MAPK12: variants seen among roughly 807,000 people sequenced by gnomAD.
MAPK12 encodes the protein mitogen-activated protein kinase 12.
MAPK12 carries 49 observed loss-of-function variants against 49.1 expected under a neutral mutation model. That is an observed-to-expected ratio of 1.00 (90% CI 0.79 to 1.27). The LOEUF (loss-of-function observed/expected upper bound fraction) is 1.27, where lower values mean the gene tolerates loss of function less well. MAPK12 is among the 50% of genes most tolerant of loss of function. The pLI, the probability that MAPK12 is intolerant of heterozygous loss-of-function variation, is 0.00. For synonymous variants in MAPK12, 251 were observed against 209.7 expected (o/e 1.20, Z -1.70); for missense variants, 554 against 502.4 (o/e 1.10, Z -0.98).
chr22:50,253,502 G>GAGGC, intron 11 of MAPK12, 22 bp from the exon 12 acceptor site: 1 of 171,682 alleles, frequency 5.8e-6, no homozygotes. Flanking sequence ...GGGGGGGCGG[G>GAGGC]CACAACAGAG....
chr22:50,257,235 C>T (rs1479026709), intron 3 of MAPK12, 42 bp from the exon 4 acceptor site: 1 of 1,527,422 alleles, frequency 6.5e-7, no homozygotes, highest in South Asian at 1.1e-5. Flanking sequence ...CAGAGCCAGC[C>T]TCTGCATCCC....
chr22:50,256,726 G>A (rs1463669422), intron 5 of MAPK12, 80 bp from the exon 6 acceptor site: 1 of 1,540,634 alleles, frequency 6.5e-7, no homozygotes, highest in Non-Finnish European at 8.8e-7. Context: ...GGCACCTAAA[G>A]ATGGGGCCAC....
intron 3 of MAPK12, 70 bp from the exon 4 acceptor site, chr22:50,257,263 G>A (rs748974586): frequency 1.6e-4 from 209 of 1,295,488 alleles, no homozygotes; most frequent in Non-Finnish European, 2.2e-4. Flanking sequence ...CACCCAGCAG[G>A]CCCAGGCTCA....
chr22:50,254,271 A>T (rs2065126066), intron 11 of MAPK12: 1 of 152,176 alleles, frequency 6.6e-6, no homozygotes, highest in East Asian at 1.9e-4. Context: ...TGGAGTCTGG[A>T]CTGCTTAGCG....
At chr22:50,257,744 G>A in intron 3 of MAPK12, 2 of 656,250 alleles carry the variant, frequency 3.0e-6, no homozygotes, top group Admixed American at 2.4e-5. Flanking sequence ...AGTCAGGCGG[G>A]AGGCGCCTGC....
At chr22:50,259,571 G>A (rs115160725) in intron 2 of MAPK12, among the ~76,000 whole-genome samples, 9 of 152,164 alleles carry the variant, frequency 5.9e-5, no homozygotes, top group South Asian at 4.1e-4. Context: ...CCAGCACAGC[G>A]GGGCGGTGGC....
chr22:50,256,924 C>A lies in MAPK12; in HGVS notation c.456+11G>T. 1 of 1,605,432 alleles carries A rather than the reference C, an allele frequency of 6.2e-7. No individual in the cohort carries two copies. Among genetic ancestry groups the A allele is most frequent in the Non-Finnish European group, 8.5e-7 (1 of 1,177,776 alleles). On this transcript the variant is annotated intron_variant, in intron 5 of 11. Coordinates refer to ENST00000215659, the MANE Select transcript of MAPK12 (RefSeq NM_002969.6). ...GGAGGGCTGATGAGCGGCTTCTCCA[C>A]CGGGACTCACTCTGTGGATGATGCC...
rs2065154203 is a variant in MAPK12, at chr22:50,256,713, G to A, written c.457-67C>T. 15 of 1,552,702 alleles carry A rather than the reference G, an allele frequency of 9.7e-6. No individual in the cohort carries two copies. The South Asian group carries it at 1.2e-4, about 13-fold the overall frequency. Reference sequence around the variant, plus strand: ...AAGCATGGGCACAGCCAAGAGCCTGGGTGGCACCTAAAGATGGGGCCACCG... The same window carrying A: ...AAGCATGGGCACAGCCAAGAGCCTGAGTGGCACCTAAAGATGGGGCCACCG... On this transcript the variant is annotated intron_variant, in intron 5 of 11. Transcript: ENST00000215659.
chr22:50,257,540 G>A lies in MAPK12; in HGVS notation c.315-347C>T, dbSNP rs537646899. 4.0e-5 allele frequency: 21 copies of A among 526,320 alleles called. No individual in the cohort carries two copies. In the Admixed American group the frequency reaches 4.9e-4, roughly 12 times the overall value. 32.6% of individuals were successfully genotyped at this position (526,320 alleles called of 1,614,324 possible). On this transcript the variant is annotated intron_variant, in intron 3 of 11. Coordinates refer to ENST00000215659, the MANE Select transcript of MAPK12 (RefSeq NM_002969.6). The stretch of plus-strand genomic sequence containing the variant: ...CTCCATGGTAGAGGCAGCAGGACTC[G>A]AGTCTTCACAGGCAGGGGAGGGAGG...
intron 3 of MAPK12, chr22:50,257,806 T>C: frequency 1.4e-6 from 1 of 714,190 alleles, no homozygotes. Flanking sequence ...GCCGACAGGG[T>C]GTGAGTCCCA....
rs369648044 is a variant in MAPK12, at chr22:50,257,905, G to C, written c.314+338C>G. The C allele has an allele frequency of 3.9e-6, 3 of 773,202 alleles. No individual in the cohort carries two copies. The Admixed American group carries it at 5.1e-5, about 13-fold the overall frequency. The allele number at this position is 773,202 out of a possible 1,614,324, so 47.9% of individuals were successfully genotyped here. A position where few individuals can be genotyped will look rare whatever the true frequency, so the allele number is the denominator to read the frequency against. On this transcript the variant is annotated intron_variant, in intron 3 of 11. Coordinates refer to ENST00000215659, the MANE Select transcript of MAPK12 (RefSeq NM_002969.6). ...GAAAAGGTCAGCAGCTCCAGTTACC[G>C]GCCACACACTTGGTGCCAGGGTCCC...
chr22:50,256,172 C>G lies in MAPK12; in HGVS notation c.532G>C (p.Ala178Pro). 2 of 1,612,644 alleles carry G rather than the reference C, an allele frequency of 1.2e-6. No homozygotes were observed. The highest frequency in any genetic ancestry group is 1.7e-4 in the Middle Eastern group (1 of 6,056). Residue 178 changes from alanine (A) to proline (P), a missense_variant, in exon 7 of 12, where the codon GCA becomes CCA. By Grantham distance (27) the Ala-to-Pro change is conservative. Transcript: ENST00000215659. ...KILDFGLARQ[A>P]DSEMTGYVVT... ...ACGTACCCAGTCATCTCACTGTCTG[C>G]CTGCCTGGCCAGGCCGAAGTCCAGG...
chr22:50,255,686 G>C lies in MAPK12; in HGVS notation c.700C>G (p.Gln234Glu). The part of the protein sequence containing the change: ...TLFKGSDHLD[Q>E]LKEIMKVTGT... Reference sequence around the variant, plus strand: ...GTCACCTTCATGATCTCCTTCAGCTGGTCCAGGTCTGCACCGAGGTCAGGA... The same window carrying C: ...GTCACCTTCATGATCTCCTTCAGCTCGTCCAGGTCTGCACCGAGGTCAGGA... Residue 234 changes from glutamine to glutamate, a missense_variant, in exon 9 of 12, where the codon CAG becomes GAG. Coordinates refer to ENST00000215659, the MANE Select transcript of MAPK12 (RefSeq NM_002969.6). 1.2e-6 allele frequency: 2 copies of C among 1,609,786 alleles called. 1 individual carries two copies. The highest frequency in any genetic ancestry group is 2.2e-5 in the South Asian group (2 of 91,076).
chr22:50,254,910 A>G, intron 11 of MAPK12: 1 of 1,308,244 alleles, frequency 7.6e-7, no homozygotes, highest in African/African-American at 1.5e-5. Flanking sequence ...CCTTCCCTTC[A>G]ACTTCCAGCT....
chr22:50,255,766 C>T, intron 8 of MAPK12, 44 bp downstream of exon 8: 1 of 1,610,192 alleles, frequency 6.2e-7, no homozygotes, highest in Non-Finnish European at 8.5e-7. Context: ...TGGGCAGGAG[C>T]CATCCCCACC....
In MAPK12 at chr22:50,255,851, G is replaced by A. The variant is rs779174381; in HGVS notation, c.650C>T (p.Ala217Val). The change falls in exon 8 of 12, where the codon GCG (alanine) becomes GTG (valine). Residue 217 changes from alanine to valine, a missense_variant. Transcript: ENST00000215659. ...CAGCGTCTTGCCTGTGATCATCTCC[G>A]CCATGATGCAGCCCACAGACCAGAT... ...VDIWSVGCIM[A>V]EMITGKTLFK... 2.3e-5 allele frequency: 37 copies of A among 1,612,602 alleles called. No individual in the cohort carries two copies. Among genetic ancestry groups the A allele is most frequent in the Admixed American group, 3.3e-5 (2 of 59,988 alleles).
At chr22:50,256,316 A>T (rs530432086) in intron 6 of MAPK12, 117 bp from the exon 7 acceptor site, 2 of 811,302 alleles carry the variant, frequency 2.5e-6, no homozygotes, top group South Asian at 3.5e-5. Flanking sequence ...GGGCCTCCTG[A>T]CAACCTTCAA....
At position 50,255,203 on chromosome 22, in the gene MAPK12, A is replaced by G; in HGVS notation, c.1018T>C (p.Trp340Arg). ...FDDVDRTLDE[W>R]KRVTYKEVLS... ...CCAGGAGCCCCCCACTCACGCTTCC[A>G]TTCATCCAGTGTGCGGTCAACGTCG... The change falls in exon 11 of 12, where the codon TGG (tryptophan) becomes CGG (arginine). Residue 340 changes from tryptophan to arginine, a missense_variant. Transcript: ENST00000215659. 1.9e-6 allele frequency: 3 copies of G among 1,613,606 alleles called. No homozygotes were observed. The highest frequency in any genetic ancestry group is 2.5e-6 in the Non-Finnish European group (3 of 1,179,908).
At chr22:50,256,841 A>C (rs5771284) in intron 5 of MAPK12, 94 bp downstream of exon 5, 1,124,077 of 1,547,682 alleles carry the variant, frequency 0.73, 412,131 homozygotes, top group South Asian at 0.89. Flanking sequence ...GTGGCTCAGC[A>C]CCCAGACCCC....
Sources: allele counts gnomAD v4.1 joint callset (sites outside exome capture counted in the v4.1 genomes callset), GRCh38; gene constraint gnomAD v4.1.1; transcripts MANE v1.5; gene names NCBI Gene and HGNC (gene_info 2026-07-23, HGNC 2026-07-21).